The following GPC5 variants were observed in gnomAD, a reference collection of about 807,000 sequenced individuals.
The protein encoded by GPC5 is glypican 5.
Under a neutral mutation model 53.9 loss-of-function variants are expected in GPC5, and 47 were observed. The observed-to-expected ratio is 0.87, with a 90% confidence interval of 0.69 to 1.11. The LOEUF is 1.11. Among genes scored for constraint, GPC5 ranks in the 50% most tolerant of loss-of-function variants. GPC5 has a pLI of 0.00. For synonymous variants in GPC5, 286 were observed against 263.3 expected, an observed-to-expected ratio of 1.09 and a Z score of -0.84; for missense variants, 748 against 713.1, an observed-to-expected ratio of 1.05 and a Z score of -0.56.
At chr13:92,422,613 C>T (rs1252504619) in intron 7 of GPC5, among the ~76,000 whole-genome samples, 1 of 151,956 alleles carries the variant, frequency 6.6e-6, no homozygotes, top group Non-Finnish European at 1.5e-5. Flanking sequence ...TTAGTTCTCC[C>T]CACTGTTCAA....
intron 7 of GPC5, among the ~76,000 whole-genome samples, chr13:92,514,661 A>G (rs1046913828): frequency 2.0e-5 from 3 of 152,180 alleles, no homozygotes; most frequent in Non-Finnish European, 4.4e-5. Context: ...GAGCCTGCCC[A>G]TTCGCCACAG....
chr13:91,744,535 A>T (rs1367886330), intron 4 of GPC5, among the ~76,000 whole-genome samples: 1 of 152,200 alleles, frequency 6.6e-6, no homozygotes, highest in African/African-American at 2.4e-5. Context: ...TACTAAGTAT[A>T]TACCAGCCAT....
intron 5 of GPC5, among the ~76,000 whole-genome samples, chr13:91,806,021 ATTTTTTTT>A (rs71113764): frequency 1.4e-4 from 7 of 48,608 alleles, no homozygotes; most frequent in Admixed American, 3.7e-4. Flanking sequence ...AAATACAATA[ATTTTTTTT>A]TTTTTTTTTT....
intron 5 of GPC5, among the ~76,000 whole-genome samples, chr13:91,905,458 AG>A (rs1262624668): frequency 1.3e-5 from 2 of 152,126 alleles, no homozygotes; most frequent in African/African-American, 4.8e-5. Flanking sequence ...GCCTACAAAA[AG>A]AAGTGGGTCC....
intron 7 of GPC5, among the ~76,000 whole-genome samples, chr13:92,461,243 C>T (rs2139410045): frequency 6.6e-6 from 1 of 152,242 alleles, no homozygotes; most frequent in Non-Finnish European, 1.5e-5. Context: ...CAGAAAAATT[C>T]ATTAATTGAT....
intron 7 of GPC5, among the ~76,000 whole-genome samples, chr13:92,750,212 A>G (rs915838782): frequency 6.6e-5 from 10 of 152,146 alleles, no homozygotes; most frequent in South Asian, 2.1e-4. Context: ...CTAATTCCCA[A>G]GACTCTAGAA....
At chr13:92,365,040 G>A (rs2043597104) in intron 7 of GPC5, among the ~76,000 whole-genome samples, 1 of 151,698 alleles carries the variant, frequency 6.6e-6, no homozygotes, top group Non-Finnish European at 1.5e-5. Context: ...TATTCTGTAA[G>A]CAAAATACAT....
intron 7 of GPC5, among the ~76,000 whole-genome samples, chr13:92,527,785 C>G (rs1464992350): frequency 1.3e-5 from 2 of 151,982 alleles, no homozygotes; most frequent in East Asian, 3.9e-4. Flanking sequence ...TTTTTCTTAA[C>G]TTTGATTCAT....
chr13:91,696,434 C>A (rs546393100), intron 3 of GPC5, among the ~76,000 whole-genome samples: 14 of 152,182 alleles, frequency 9.2e-5, no homozygotes, highest in African/African-American at 3.4e-4. Flanking sequence ...ATTTTAAATT[C>A]CTTGAAAATT....
intron 7 of GPC5, among the ~76,000 whole-genome samples, chr13:92,463,623 A>G (rs1878579281): frequency 1.3e-5 from 2 of 151,964 alleles, no homozygotes; most frequent in South Asian, 4.2e-4. Context: ...TTTTAACTCT[A>G]GAGGAGCTCT....
intron 7 of GPC5, among the ~76,000 whole-genome samples, chr13:92,703,646 T>C (rs1348099479): frequency 6.7e-6 from 1 of 150,082 alleles, no homozygotes; most frequent in Non-Finnish European, 1.5e-5. Flanking sequence ...TATAAGATGT[T>C]ATAAGTTTAT....
chr13:91,642,158 T>G (rs2034445733), intron 2 of GPC5, among the ~76,000 whole-genome samples: 1 of 144,452 alleles, frequency 6.9e-6, no homozygotes, highest in Admixed American at 6.6e-5. Flanking sequence ...GGTTGAATAA[T>G]TTTGAGGGTC....
chr13:92,258,903 T>C (rs76547532), intron 7 of GPC5, among the ~76,000 whole-genome samples: 2,661 of 152,294 alleles, frequency 0.017, 39 homozygotes, highest in Non-Finnish European at 0.022. Flanking sequence ...TGATCATGCC[T>C]GTAAAGAGAG....
intron 7 of GPC5, among the ~76,000 whole-genome samples, chr13:92,206,612 C>T (rs1019854583): frequency 6.6e-6 from 1 of 152,096 alleles, no homozygotes; most frequent in Non-Finnish European, 1.5e-5. Context: ...TTTCCTCAGA[C>T]CAGTCATTTT....
At position 91,398,623 on chromosome 13, in the gene GPC5, C is replaced by G. The variant is rs1200160427; in HGVS notation, c.-424C>G. 1.1e-5 allele frequency: 2 copies of G among 183,036 alleles called. No homozygotes were observed. The highest frequency in any genetic ancestry group is 2.2e-5 in the Non-Finnish European group (2 of 90,680). 11.3% of individuals were successfully genotyped at this position (183,036 alleles called of 1,614,324 possible). On this transcript the variant is annotated 5_prime_UTR_variant, in exon 1 of 8. In the 5' UTR this introduces an upstream ATG that the reference lacks. Coordinates refer to ENST00000377067, the MANE Select transcript of GPC5 (RefSeq NM_004466.6). The stretch of plus-strand genomic sequence containing the variant: ...CGCGGAGCGCAGCGAGCGGGCACAT[C>G]CCAGGTTAGCTGCTGCGAGCCGAGC...
At chr13:92,636,319 C>T (rs1016000090) in intron 7 of GPC5, among the ~76,000 whole-genome samples, 13 of 151,244 alleles carry the variant, frequency 8.6e-5, no homozygotes, top group East Asian at 3.9e-4. Flanking sequence ...GAGGTATCAC[C>T]GTAAAAAATC....
chr13:92,069,122 C>G (rs2041189793), intron 6 of GPC5, among the ~76,000 whole-genome samples: 1 of 152,010 alleles, frequency 6.6e-6, no homozygotes, highest in South Asian at 2.1e-4. Context: ...GATAAGACTA[C>G]TATTTCCCTA....
intron 7 of GPC5, among the ~76,000 whole-genome samples, chr13:92,685,575 A>AATTTTTT (rs1887247180): frequency 4.2e-5 from 2 of 47,548 alleles, no homozygotes; most frequent in African/African-American, 6.8e-5. Context: ...TTTTTTTTTT[A>AATTTTTT]TTATACTCTA....
intron 6 of GPC5, among the ~76,000 whole-genome samples, chr13:91,965,583 A>G (rs1363794170): frequency 6.6e-6 from 1 of 152,164 alleles, no homozygotes; most frequent in Admixed American, 6.6e-5. Flanking sequence ...CTAAGAGTGT[A>G]AGGGATTTTA....
Sources: allele counts gnomAD v4.1 joint callset (sites outside exome capture counted in the v4.1 genomes callset), GRCh38; gene constraint gnomAD v4.1.1; transcripts MANE v1.5; gene names NCBI Gene and HGNC (gene_info 2026-07-23, HGNC 2026-07-21).